Variants in SNTG2 observed in about 807,000 individuals in gnomAD.
SNTG2 encodes the protein gamma-2-syntrophin.
In SNTG2, 74 loss-of-function variants were observed where a neutral mutation model predicts 70.9. That is an observed-to-expected ratio of 1.04 (90% CI 0.86 to 1.27). SNTG2 has a LOEUF of 1.27. Ranked by LOEUF, SNTG2 falls within the 50% of genes most tolerant of loss-of-function variation. The probability of loss-of-function intolerance (pLI) is 0.00; values close to 1 mark genes in which losing one functional copy is unlikely to be tolerated. For missense variants in SNTG2, 717 were observed against 690.7 expected (o/e 1.04, Z -0.43); for synonymous variants, 278 against 273.8 (o/e 1.02, Z -0.15).
intron 1 of SNTG2, among the ~76,000 whole-genome samples, chr2:982,181 C>A (rs1245596905): frequency 1.3e-5 from 2 of 152,166 alleles, no homozygotes; most frequent in Non-Finnish European, 2.9e-5. Flanking sequence ...GTTGGCAAAG[C>A]CCTAAATAGA....
chr2:1,198,025 T>G (rs1209578437), intron 8 of SNTG2, among the ~76,000 whole-genome samples: 1 of 152,116 alleles, frequency 6.6e-6, no homozygotes, highest in Non-Finnish European at 1.5e-5. Flanking sequence ...TTTACAGAAT[T>G]TTTTTTAATT....
Position 1,142,895 on chromosome 2 carries a change from A to G in SNTG2, c.411+5086A>G, listed in dbSNP as rs140407751. 1.4e-4 allele frequency among the ~76,000 whole-genome samples: 21 copies of G among 152,326 alleles called. No individual in the cohort carries two copies. In the East Asian group the frequency reaches 4.1e-3, roughly 29 times the overall value. On this transcript the variant is annotated intron_variant, in intron 6 of 16. Transcript: ENST00000308624. ...CCATTGTCATGACCATTGCATTGCA[A>G]TTCTTTAGATATGCATGGGATAGCT...
At chr2:1,122,145 A>C (rs1162962307) in intron 4 of SNTG2, among the ~76,000 whole-genome samples, 1 of 152,238 alleles carries the variant, frequency 6.6e-6, no homozygotes, top group African/African-American at 2.4e-5. Flanking sequence ...GCATGGGACC[A>C]GATGGCTTCA....
intron 9 of SNTG2, among the ~76,000 whole-genome samples, chr2:1,215,503 T>C (rs1008678604): frequency 5.3e-5 from 8 of 152,114 alleles, no homozygotes; most frequent in African/African-American, 9.7e-5. Context: ...TTCTAGGAAT[T>C]TTTTTTAACA....
At chr2:1,106,534 G>T (rs868628632) in intron 4 of SNTG2, among the ~76,000 whole-genome samples, 32 of 75,030 alleles carry the variant, frequency 4.3e-4, no homozygotes, top group Admixed American at 5.6e-4. Context: ...TCCTTGGTAA[G>T]AGTGGACACG....
At chr2:1,056,362 G>T (rs1484959887) in intron 1 of SNTG2, among the ~76,000 whole-genome samples, 1 of 84,318 alleles carries the variant, frequency 1.2e-5, no homozygotes, top group Admixed American at 1.0e-4. Flanking sequence ...CCCCGCTGTG[G>T]GGAGGGAGGG....
intron 13 of SNTG2, among the ~76,000 whole-genome samples, 155 bp downstream of exon 13, chr2:1,259,596 CCTGGTACATGG>C (rs1195152130): frequency 6.6e-6 from 1 of 152,176 alleles, no homozygotes; most frequent in Non-Finnish European, 1.5e-5. Flanking sequence ...TCCTGCCCTA[CCTGGTACATGG>C]GTTCTAGCTG....
intron 4 of SNTG2, among the ~76,000 whole-genome samples, chr2:1,101,898 C>T (rs76879011): frequency 0.01 from 1,592 of 152,286 alleles, 24 homozygotes; most frequent in African/African-American, 0.037. Context: ...GCCAGGTAGC[C>T]CGAGGCTTCA....
chr2:1,225,368 AG>A (rs1218748373), intron 9 of SNTG2, among the ~76,000 whole-genome samples: 10 of 152,192 alleles, frequency 6.6e-5, no homozygotes, highest in Non-Finnish European at 1.3e-4. Context: ...TTCTCCCAAA[AG>A]TATTAAATAT....
chr2:1,063,123 C>T (rs930494925), intron 1 of SNTG2, among the ~76,000 whole-genome samples: 2 of 152,306 alleles, frequency 1.3e-5, no homozygotes, highest in Admixed American at 6.5e-5. Flanking sequence ...CATAGATAAA[C>T]TCTCAGATCA....
intron 16 of SNTG2, among the ~76,000 whole-genome samples, chr2:1,361,604 G>A (rs1012656699): frequency 7.3e-5 from 11 of 151,436 alleles, no homozygotes; most frequent in Non-Finnish European, 1.6e-4. Context: ...GAAAGTCACC[G>A]ACGCTGAGCA....
At chr2:1,034,164 C>T (rs191084478) in intron 1 of SNTG2, among the ~76,000 whole-genome samples, 2 of 151,590 alleles carry the variant, frequency 1.3e-5, no homozygotes, top group East Asian at 3.9e-4. Flanking sequence ...GGCCCAGTGT[C>T]TTTGTGTTCA....
At chr2:1,096,634 GT>G (rs1665410436) in intron 2 of SNTG2, among the ~76,000 whole-genome samples, 1 of 152,158 alleles carries the variant, frequency 6.6e-6, no homozygotes, top group Admixed American at 6.5e-5. Context: ...GCTCATCCAT[GT>G]TGCCACAGAT....
chr2:1,209,285 C>G, intron 9 of SNTG2, 55 bp downstream of exon 9: 1 of 1,607,664 alleles, frequency 6.2e-7, no homozygotes. Flanking sequence ...GCACTTTTGC[C>G]AGTTCCTACA....
intron 16 of SNTG2, among the ~76,000 whole-genome samples, chr2:1,321,910 C>CTCCT (rs201525220): frequency 1.8e-5 from 2 of 110,448 alleles, no homozygotes; most frequent in African/African-American, 3.2e-5. Flanking sequence ...TCTTCCTTCC[C>CTCCT]TCCTTCCTTC....
chr2:1,031,528 A>ATATATATATATATATATATATATT, intron 1 of SNTG2, among the ~76,000 whole-genome samples: 6 of 59,124 alleles, frequency 1.0e-4, no homozygotes, highest in African/African-American at 1.7e-4. Flanking sequence ...ATATATATAT[A>ATATATATATATATATATATATATT]TTTTTTTTTT....
At chr2:1,254,161 A>G (rs1167068528) in intron 12 of SNTG2, among the ~76,000 whole-genome samples, 1 of 152,196 alleles carries the variant, frequency 6.6e-6, no homozygotes, top group Non-Finnish European at 1.5e-5. Context: ...GAAGAATGGA[A>G]AGGAGGAATT....
chr2:1,103,378 T>TC, intron 4 of SNTG2: 1 of 290,694 alleles, frequency 3.4e-6, no homozygotes. Flanking sequence ...ATTATAAATT[T>TC]CTTTTTTTTT....
chr2:1,065,061 A>G (rs923528444), intron 1 of SNTG2, among the ~76,000 whole-genome samples: 4 of 152,104 alleles, frequency 2.6e-5, no homozygotes, highest in Non-Finnish European at 5.9e-5. Context: ...TAGCCAGCTT[A>G]TTTTCACTCT....
Sources: allele counts gnomAD v4.1 joint callset (sites outside exome capture counted in the v4.1 genomes callset), GRCh38; gene constraint gnomAD v4.1.1; transcripts MANE v1.5; gene names NCBI Gene and HGNC (gene_info 2026-07-23, HGNC 2026-07-21).